The following LRRC4C variants were observed in gnomAD, a reference collection of about 807,000 sequenced individuals.
LRRC4C encodes leucine-rich repeat-containing protein 4C.
In LRRC4C, 5 loss-of-function variants were observed where a neutral mutation model predicts 33.6. That is an observed-to-expected ratio of 0.15 (90% CI 0.08 to 0.31). The LOEUF is 0.31. Ranked by LOEUF, LRRC4C falls within the 10% of genes least tolerant of loss-of-function variation. LRRC4C has a pLI of 1.00. For missense variants in LRRC4C, 560 were observed against 796.7 expected (o/e 0.70, Z 3.58); for synonymous variants, 329 against 302.0 (o/e 1.09, Z -0.93).
chr11:41,123,387 C>T (rs1942569094), intron 1 of LRRC4C, among the ~76,000 whole-genome samples: 1 of 147,650 alleles, frequency 6.8e-6, no homozygotes, highest in African/African-American at 2.5e-5. Flanking sequence ...ATTCTCCTGC[C>T]TCAGCCTCCC....
intron 3 of LRRC4C, among the ~76,000 whole-genome samples, chr11:40,639,511 T>G (rs1365649858): frequency 6.6e-6 from 1 of 152,210 alleles, no homozygotes; most frequent in African/African-American, 2.4e-5. Flanking sequence ...CCTTGTTATT[T>G]TCAAGTATAT....
At chr11:41,195,265 G>A (rs1360767481) in intron 1 of LRRC4C, among the ~76,000 whole-genome samples, 1 of 152,010 alleles carries the variant, frequency 6.6e-6, no homozygotes, top group Admixed American at 6.6e-5. Context: ...AATTAGTCTT[G>A]TCAGAACTTG....
intron 3 of LRRC4C, among the ~76,000 whole-genome samples, chr11:40,464,394 C>T (rs1179845162): frequency 6.6e-6 from 1 of 151,974 alleles, no homozygotes; most frequent in Non-Finnish European, 1.5e-5. Flanking sequence ...AAATTGAAAG[C>T]TTTCCCCCAA....
chr11:40,989,810 C>T (rs1483044169), intron 1 of LRRC4C, among the ~76,000 whole-genome samples: 1 of 151,852 alleles, frequency 6.6e-6, no homozygotes, highest in Non-Finnish European at 1.5e-5. Flanking sequence ...TACAGTCAGC[C>T]CTCCATATCC....
intron 5 of LRRC4C, among the ~76,000 whole-genome samples, chr11:40,154,962 G>A (rs968524692): frequency 6.6e-6 from 1 of 152,062 alleles, no homozygotes; most frequent in Non-Finnish European, 1.5e-5. Context: ...GCCATAAAAT[G>A]AGCCTCAATA....
chr11:40,286,294 A>T (rs1258886179), intron 4 of LRRC4C, among the ~76,000 whole-genome samples: 1 of 152,138 alleles, frequency 6.6e-6, no homozygotes, highest in Non-Finnish European at 1.5e-5. Context: ...TGCTCGGTTG[A>T]CCACAGGTAA....
At chr11:40,221,020 C>T (rs1466548381) in intron 5 of LRRC4C, among the ~76,000 whole-genome samples, 1 of 151,892 alleles carries the variant, frequency 6.6e-6, no homozygotes, top group Non-Finnish European at 1.5e-5. Context: ...GGATTACAGT[C>T]GTCGGCCACC....
chr11:40,643,979 G>A (rs1942280569), intron 3 of LRRC4C, among the ~76,000 whole-genome samples: 1 of 151,974 alleles, frequency 6.6e-6, no homozygotes. Context: ...CAATCAGGGA[G>A]ATTTAAAATG....
chr11:41,009,493 A>C (rs1855016737), intron 1 of LRRC4C, among the ~76,000 whole-genome samples: 1 of 152,080 alleles, frequency 6.6e-6, no homozygotes, highest in Admixed American at 6.6e-5. Context: ...CTCTCCCATT[A>C]ACAGTTGTGT....
At chr11:40,718,931 A>G (rs890742825) in intron 2 of LRRC4C, among the ~76,000 whole-genome samples, 1 of 152,138 alleles carries the variant, frequency 6.6e-6, no homozygotes, top group African/African-American at 2.4e-5. Flanking sequence ...TAAAGCATAG[A>G]AGGAAGAAGA....
At chr11:40,200,931 G>A (rs1421691432) in intron 5 of LRRC4C, among the ~76,000 whole-genome samples, 1 of 151,924 alleles carries the variant, frequency 6.6e-6, no homozygotes, top group Non-Finnish European at 1.5e-5. Flanking sequence ...CTTTTTCCTT[G>A]GCTCTTCCAC....
At chr11:41,088,708 C>T (rs1393596279) in intron 1 of LRRC4C, among the ~76,000 whole-genome samples, 2 of 151,702 alleles carry the variant, frequency 1.3e-5, no homozygotes, top group African/African-American at 4.8e-5. Flanking sequence ...CCTTATTTAC[C>T]CCAAAGTTTA....
At chr11:40,345,856 A>G (rs1047441129) in intron 3 of LRRC4C, among the ~76,000 whole-genome samples, 1 of 144,768 alleles carries the variant, frequency 6.9e-6, no homozygotes, top group Non-Finnish European at 1.5e-5. Flanking sequence ...TTCACAAGGA[A>G]AAACCAAACA....
At chr11:40,248,908 C>A (rs1866549979) in intron 4 of LRRC4C, among the ~76,000 whole-genome samples, 1 of 152,062 alleles carries the variant, frequency 6.6e-6, no homozygotes. Context: ...GTAAAACTGT[C>A]CCTAGTTGAA....
At chr11:40,195,094 G>GA (rs561968543) in intron 5 of LRRC4C, among the ~76,000 whole-genome samples, 1,608 of 137,794 alleles carry the variant, frequency 0.012, 10 homozygotes, top group African/African-American at 0.02. Context: ...CCGTCTCAAA[G>GA]AAAAAAAAAA....
intron 3 of LRRC4C, among the ~76,000 whole-genome samples, chr11:40,358,480 C>T (rs1431458030): frequency 6.6e-6 from 1 of 152,014 alleles, no homozygotes; most frequent in South Asian, 2.1e-4. Flanking sequence ...GGGGTTTCAC[C>T]GTGTTGGCCA....
intron 1 of LRRC4C, among the ~76,000 whole-genome samples, chr11:41,320,352 T>G (rs990324650): frequency 2.0e-5 from 3 of 152,210 alleles, no homozygotes; most frequent in Admixed American, 1.3e-4. Context: ...GCATCAAATC[T>G]TGTGAGAAAT....
chr11:40,153,151 C>T (rs946327806), intron 5 of LRRC4C, among the ~76,000 whole-genome samples: 4 of 152,172 alleles, frequency 2.6e-5, no homozygotes, highest in Non-Finnish European at 4.4e-5. Context: ...AGCCTGGAGC[C>T]GAGCAGACTT....
At chr11:41,451,377 G>A (rs1036864412) in intron 1 of LRRC4C, among the ~76,000 whole-genome samples, 1 of 150,978 alleles carries the variant, frequency 6.6e-6, no homozygotes, top group East Asian at 1.9e-4. Flanking sequence ...TATAGATTTT[G>A]TGTGTGTGTG....
Sources: allele counts gnomAD v4.1 joint callset (sites outside exome capture counted in the v4.1 genomes callset), GRCh38; gene constraint gnomAD v4.1.1; transcripts MANE v1.5; gene names NCBI Gene and HGNC (gene_info 2026-07-23, HGNC 2026-07-21).